The following TENM1 variants were observed in gnomAD, a reference collection of about 807,000 sequenced individuals.
TENM1 encodes the protein teneurin-1.
Under a neutral mutation model 174.8 loss-of-function variants are expected in TENM1, and 35 were observed. The ratio of observed to expected loss-of-function variants is 0.20; its 90% CI spans 0.15 to 0.27. TENM1 has a LOEUF of 0.27. Ranked by LOEUF, TENM1 falls within the 10% of genes least tolerant of loss-of-function variation. TENM1 has a pLI of 1.00. For synonymous variants in TENM1, 781 were observed against 798.7 expected (o/e 0.98, Z 0.37); for missense variants, 1,633 against 2,130.1 (o/e 0.77, Z 4.59).
intron 11 of TENM1, among the ~76,000 whole-genome samples, chrX:124,582,643 A>G (rs771104340): frequency 0.011 from 1,249 of 111,770 alleles, 21 homozygotes; most frequent in African/African-American, 0.038. Flanking sequence ...TCCATCTGAG[A>G]TACTGGGTTC....
At chrX:125,158,766 C>T in the TENM1 span, among the ~76,000 whole-genome samples, 1 of 111,197 alleles carries the variant, frequency 9.0e-6, no homozygotes, top group African/African-American at 3.3e-5. Flanking sequence ...GGCAAATTGC[C>T]CACCCACAGT....
At chrX:124,941,188 C>A (rs2058320488) in intron 1 of TENM1, among the ~76,000 whole-genome samples, 1 of 111,766 alleles carries the variant, frequency 8.9e-6, no homozygotes, top group African/African-American at 3.2e-5. Context: ...CCACTGAAAT[C>A]TTTCTTATTT....
At chrX:125,025,338 T>C in the TENM1 span, among the ~76,000 whole-genome samples, 3 of 111,648 alleles carry the variant, frequency 2.7e-5, no homozygotes, top group African/African-American at 9.8e-5. Flanking sequence ...GAGAAGTACA[T>C]GTTTTAAAAC....
At chrX:124,530,133 G>T in intron 15 of TENM1, 150 bp from the exon 19 acceptor site, 1 of 575,693 alleles carries the variant, frequency 1.7e-6, no homozygotes, top group Non-Finnish European at 2.6e-6. Flanking sequence ...ATTCTGGGGA[G>T]GAGTTTTTTT....
chrX:124,860,347 C>T (rs2056890333), intron 3 of TENM1, among the ~76,000 whole-genome samples: 1 of 111,706 alleles, frequency 9.0e-6, no homozygotes, highest in South Asian at 3.8e-4. Context: ...ATTAAAGTTA[C>T]AAGACCTGTA....
intron 11 of TENM1, among the ~76,000 whole-genome samples, chrX:124,639,321 C>T (rs369638294): frequency 2.7e-5 from 3 of 111,749 alleles, no homozygotes; most frequent in African/African-American, 6.5e-5. Flanking sequence ...CTGAAATGTT[C>T]GTTCCTCTCT....
chrX:125,140,083 G>A, the TENM1 span, among the ~76,000 whole-genome samples: 1 of 111,661 alleles, frequency 9.0e-6, no homozygotes, highest in Admixed American at 9.6e-5. Flanking sequence ...AAAGCATCCA[G>A]CACATCTTAT....
chrX:124,840,879 A>C (rs2056484334), intron 3 of TENM1, among the ~76,000 whole-genome samples: 1 of 111,890 alleles, frequency 8.9e-6, no homozygotes, highest in Admixed American at 9.5e-5. Context: ...TTATAATTTT[A>C]CTTAGACATT....
chrX:124,808,823 T>C lies in TENM1; in HGVS notation c.536-71626A>G, dbSNP rs1022606199. 4.5e-5 allele frequency among the ~76,000 whole-genome samples: 5 copies of C among 111,446 alleles called. 1 individual carries two copies. The highest frequency in any genetic ancestry group is 9.2e-3 in the Middle Eastern group (2 of 217). On this transcript the variant is annotated intron_variant, in intron 3 of 31. Coordinates refer to ENST00000422452, the Ensembl canonical transcript of TENM1. ...ACATAGCATGCCAAAACCTACAGCATACGGCAAAATAATTTCTAAGAGGAA... is the reference window on the plus strand; with the variant it reads ...ACATAGCATGCCAAAACCTACAGCACACGGCAAAATAATTTCTAAGAGGAA...
At chrX:125,159,573 C>T in the TENM1 span, among the ~76,000 whole-genome samples, 2 of 112,014 alleles carry the variant, frequency 1.8e-5, no homozygotes, top group Non-Finnish European at 1.9e-5. Flanking sequence ...TCCAAATATG[C>T]TTGCCTATTA....
chrX:124,551,993 C>T (rs1431769060), intron 14 of TENM1, among the ~76,000 whole-genome samples: 2 of 111,917 alleles, frequency 1.8e-5, no homozygotes, highest in South Asian at 3.7e-4. Context: ...ATTTTATGAA[C>T]TATGCTTGGT....
At chrX:125,137,280 G>A in the TENM1 span, among the ~76,000 whole-genome samples, 5 of 111,196 alleles carry the variant, frequency 4.5e-5, no homozygotes, top group Non-Finnish European at 9.4e-5. Context: ...CCTTTCAAGC[G>A]GTGTCTGGAC....
At chrX:124,470,405 A>G (rs1428565197) in intron 22 of TENM1, among the ~76,000 whole-genome samples, 2 of 111,105 alleles carry the variant, frequency 1.8e-5, no homozygotes, top group Non-Finnish European at 3.8e-5. Flanking sequence ...GGAAAAATAT[A>G]TATATAGGTC....
chrX:125,002,186 G>A, the TENM1 span, among the ~76,000 whole-genome samples: 1 of 111,489 alleles, frequency 9.0e-6, no homozygotes, highest in African/African-American at 3.3e-5. Context: ...TATACAGTAT[G>A]TTGTTAAAAT....
chrX:124,806,793 A>G (rs1474137442), intron 3 of TENM1, among the ~76,000 whole-genome samples: 1 of 111,641 alleles, frequency 9.0e-6, no homozygotes, highest in African/African-American at 3.3e-5. Flanking sequence ...GTTTACAATC[A>G]TGGTAGAAGG....
At chrX:124,633,020 T>C (rs948306581) in intron 11 of TENM1, among the ~76,000 whole-genome samples, 2 of 112,216 alleles carry the variant, frequency 1.8e-5, no homozygotes, top group African/African-American at 3.2e-5. Flanking sequence ...CAAGCTGTAG[T>C]GGTAGACACT....
At chrX:124,818,822 C>T (rs1389549409) in intron 3 of TENM1, among the ~76,000 whole-genome samples, 4 of 111,677 alleles carry the variant, frequency 3.6e-5, no homozygotes, top group Non-Finnish European at 7.5e-5. Flanking sequence ...CACCCTCAAC[C>T]ACCGTAAGAC....
the TENM1 span, among the ~76,000 whole-genome samples, chrX:125,013,286 T>C: frequency 8.9e-6 from 1 of 111,965 alleles, no homozygotes; most frequent in African/African-American, 3.2e-5. Flanking sequence ...GAAGATTAAC[T>C]ACAAAACGAT....
chrX:124,427,028 C>G (rs1287056714), intron 23 of TENM1, among the ~76,000 whole-genome samples: 1 of 111,778 alleles, frequency 8.9e-6, no homozygotes, highest in Non-Finnish European at 1.9e-5. Flanking sequence ...TGCACTGGTC[C>G]TACGGAGCAT....
Sources: gnomAD v4.1 joint callset for allele counts (sites outside exome capture counted in the v4.1 genomes callset) on GRCh38, gnomAD v4.1.1 for gene constraint, MANE v1.5 for transcripts, NCBI Gene and HGNC (gene_info 2026-07-23, HGNC 2026-07-21) for gene names.